Variants in SART1 observed in about 807,000 individuals in gnomAD.
SART1 encodes U4/U6.U5 tri-snRNP-associated protein 1.
Under a neutral mutation model 105.0 loss-of-function variants are expected in SART1, and 28 were observed. The ratio of observed to expected loss-of-function variants is 0.27; its 90% confidence interval spans 0.20 to 0.37. The LOEUF is 0.37. SART1 is among the 10% of genes least tolerant of loss of function. The pLI, the probability that SART1 is intolerant of heterozygous loss-of-function variation, is 1.00. For missense variants in SART1, 894 were observed against 1,106.5 expected (o/e 0.81, Z 2.72); for synonymous variants, 472 against 462.9 (o/e 1.02, Z -0.25).
At position 65,965,465 on chromosome 11, in the gene SART1, A is replaced by AT; in HGVS notation, c.660+19dup. ...AGAAGAGGGTGAGCACCTGGGCAGC[A>AT]TGGGGTGGTCGCCTAGTGCTTCTGG... is the stretch of plus-strand genomic sequence containing the variant. On this transcript the variant is annotated intron_variant, in intron 5 of 19. Coordinates refer to ENST00000312397, the MANE Select transcript of SART1 (RefSeq NM_005146.5). The AT allele has an allele frequency of 6.5e-7, 1 of 1,549,528 alleles. No homozygotes were observed.
At position 65,967,821 on chromosome 11, in the gene SART1, G is replaced by A; in HGVS notation, c.1572G>A (p.Lys524=). The change falls in exon 12 of 20, where the codon AAG becomes AAA. Residue 524 remains lysine, a splice_region_variant and synonymous_variant. Transcript: ENST00000312397. ...QLQQLRDSGE[K]VVEIVKKLES... ...AGCAGCTGCGAGACAGTGGCGAGAA[G>A]GTGAGGCTGGGCATGGGCAGGGTGA... is the stretch of plus-strand genomic sequence containing the variant. 6.5e-7 allele frequency: 1 copy of A among 1,527,846 alleles called. No homozygotes were observed. Among genetic ancestry groups the A allele is most frequent in the South Asian group, 1.2e-5 (1 of 81,862 alleles). 94.6% of individuals were successfully genotyped at this position (1,527,846 alleles called of 1,614,324 possible).
intron 1 of SART1, 131 bp downstream of exon 1, chr11:65,962,224 A>G (rs574509812): frequency 8.8e-6 from 6 of 683,918 alleles, no homozygotes; most frequent in South Asian, 2.3e-5. Context: ...AGCTCTATTA[A>G]ATAGTCTTTC....
intron 5 of SART1, 89 bp from the exon 6 acceptor site, chr11:65,965,613 C>T: frequency 7.0e-7 from 1 of 1,429,336 alleles, no homozygotes; most frequent in Middle Eastern, 2.4e-4. Context: ...AAGGCCTGCC[C>T]TTTTTGCACT....
intron 11 of SART1, 45 bp downstream of exon 11, chr11:65,967,631 C>T (rs756359333): frequency 5.0e-6 from 8 of 1,599,828 alleles, no homozygotes; most frequent in African/African-American, 2.7e-5. Flanking sequence ...ACAGGAGCCG[C>T]GGGTTGGAGG....
intron 15 of SART1, 84 bp from the exon 16 acceptor site, chr11:65,977,479 C>G: frequency 8.6e-7 from 1 of 1,159,590 alleles, no homozygotes; most frequent in South Asian, 1.2e-5. Context: ...GAGGTGCCCC[C>G]ACAGGGCCTG....
At position 65,962,002 on chromosome 11, in the gene SART1, C is replaced by T; in HGVS notation, c.222C>T (p.Ala74=). The T allele has an allele frequency of 6.6e-7, 1 of 1,518,052 alleles. No homozygotes were observed. 94.0% of individuals were successfully genotyped at this position (1,518,052 alleles called of 1,614,324 possible). A position where few individuals can be genotyped will look rare whatever the true frequency, so the allele number is the denominator to read the frequency against. ...GSGRRGAEAE[A]RSSTHGRERS... ...GGCGGCGCGGGGCCGAAGCTGAGGCCCGGAGCAGCACGCACGGGCGGGAGC... is the reference window on the plus strand; with the variant it reads ...GGCGGCGCGGGGCCGAAGCTGAGGCTCGGAGCAGCACGCACGGGCGGGAGC... The change falls in exon 1 of 20, where the codon GCC becomes GCT. Residue 74 remains alanine (A), a synonymous_variant. Coordinates refer to ENST00000312397, the MANE Select transcript of SART1 (RefSeq NM_005146.5).
At position 65,965,242 on chromosome 11, in the gene SART1, G is replaced by T. The variant is rs780442389; in HGVS notation, c.554+24G>T. 5.6e-6 allele frequency: 9 copies of T among 1,608,866 alleles called. No individual in the cohort carries two copies. In the East Asian group the frequency reaches 1.8e-4, roughly 32 times the overall value. On this transcript the variant is annotated intron_variant, in intron 4 of 19. Transcript: ENST00000312397. The stretch of plus-strand genomic sequence containing the variant: ...GGGTGAGGGGTCCTGGCCAGGGCAG[G>T]CAAGGGAAGGGCTGGGGAGGCCACC...
intron 1 of SART1, among the ~76,000 whole-genome samples, chr11:65,962,674 G>A (rs1051416383): frequency 2.0e-5 from 3 of 152,168 alleles, no homozygotes; most frequent in Non-Finnish European, 4.4e-5. Flanking sequence ...GCTCAGATCC[G>A]TATTTTGTAA....
chr11:65,980,130 T>A lies in SART1; in HGVS notation c.*1100T>A, dbSNP rs1335134109. On this transcript the variant is annotated 3_prime_UTR_variant, in exon 20 of 20. Coordinates refer to ENST00000312397, the MANE Select transcript of SART1 (RefSeq NM_005146.5). The stretch of plus-strand genomic sequence containing the variant: ...TGTCTCAAAAAAAATAAAAAAAATT[T>A]AAAATAATCTTGGGGTGAGGAAACT... Among the ~76,000 whole-genome samples, 2 of 152,074 alleles carry A rather than the reference T, an allele frequency of 1.3e-5. No individual in the cohort carries two copies.
chr11:65,978,973 C>G lies in SART1; in HGVS notation c.2385-39C>G, dbSNP rs1270725743. The G allele has an allele frequency of 1.2e-6, 2 of 1,613,830 alleles. No individual in the cohort carries two copies. Among genetic ancestry groups the G allele is most frequent in the Non-Finnish European group, 1.7e-6 (2 of 1,179,918 alleles). The stretch of plus-strand genomic sequence containing the variant: ...GTGGGGAGGGGTGGCGTGGCCTGTG[C>G]CCGCCTCTGCAGCCTCACGCCCCTG... On this transcript the variant is annotated intron_variant, in intron 19 of 19. Transcript: ENST00000312397. The surrounding 1 kb of genome is among the most constrained non-coding windows in gnomAD (Gnocchi z 6.8).
intron 12 of SART1, among the ~76,000 whole-genome samples, chr11:65,968,945 T>A (rs1326620540): frequency 6.6e-6 from 1 of 152,158 alleles, no homozygotes; most frequent in Non-Finnish European, 1.5e-5. Context: ...ATCTCCATCA[T>A]TCCAGAGGCC....
In SART1 at chr11:65,979,015, C is replaced by T. The variant is rs2134925604; in HGVS notation, c.2388C>T (p.Asn796=). ...ACGCCCCTGTTCTTCTCTGCAGGAA[C>T]ACCATCACCAAGTGACAGCGCCCTC... ...LSGSGKSMNA[N]TITK Residue 796 remains asparagine, a synonymous_variant, in exon 20 of 20, where the codon AAC becomes AAT. Coordinates refer to ENST00000312397, the MANE Select transcript of SART1 (RefSeq NM_005146.5). 1 of 1,614,158 alleles carries T rather than the reference C, an allele frequency of 6.2e-7. No individual in the cohort carries two copies. Among genetic ancestry groups the T allele is most frequent in the Non-Finnish European group, 8.5e-7 (1 of 1,180,026 alleles).
At chr11:65,973,955 G>A (rs1000397229) in intron 12 of SART1, among the ~76,000 whole-genome samples, 4 of 152,062 alleles carry the variant, frequency 2.6e-5, no homozygotes, top group African/African-American at 4.8e-5. Context: ...AAGACAAGCC[G>A]GTGAGTCATG....
intron 12 of SART1, among the ~76,000 whole-genome samples, chr11:65,974,371 C>A (rs1344530932): frequency 8.5e-3 from 550 of 64,936 alleles, no homozygotes; most frequent in African/African-American, 0.013. Flanking sequence ...GACTCTGTCT[C>A]AAAAAAAAAA....
intron 1 of SART1, among the ~76,000 whole-genome samples, chr11:65,962,795 A>G (rs941190081): frequency 6.6e-6 from 1 of 152,244 alleles, no homozygotes; most frequent in African/African-American, 2.4e-5. Flanking sequence ...AGGCAGCAGC[A>G]GTGGGATTGA....
chr11:65,966,563 C>T lies in SART1; in HGVS notation c.1188+7C>T. 6.7e-7 allele frequency: 1 copy of T among 1,500,568 alleles called. No homozygotes were observed. Among genetic ancestry groups the T allele is most frequent in the South Asian group, 1.4e-5 (1 of 73,602 alleles). 93.0% of individuals were successfully genotyped at this position (1,500,568 alleles called of 1,614,324 possible). ...CCTCACGCCTGAGGAGATGGTGAGC[C>T]CTCCCGTGCCTTATACTCGGGGTCA... On this transcript the variant is annotated splice_region_variant and intron_variant, in intron 9 of 19. Coordinates refer to ENST00000312397, the MANE Select transcript of SART1 (RefSeq NM_005146.5).
At chr11:65,975,251 C>T (rs1354320557) in intron 12 of SART1, among the ~76,000 whole-genome samples, 2 of 151,470 alleles carry the variant, frequency 1.3e-5, no homozygotes, top group South Asian at 4.2e-4. Flanking sequence ...TACAGGCATA[C>T]ACCACCATGC....
intron 12 of SART1, among the ~76,000 whole-genome samples, chr11:65,973,249 G>A (rs1855417572): frequency 6.6e-6 from 1 of 151,850 alleles, no homozygotes; most frequent in Non-Finnish European, 1.5e-5. Flanking sequence ...AATATAAAAA[G>A]GCAGACCAAA....
rs541712672 is a variant in SART1, at chr11:65,966,084, C to CAGG, written c.858_860dup (p.Glu286dup). 21 of 1,613,872 alleles carry CAGG rather than the reference C, an allele frequency of 1.3e-5. No homozygotes were observed. In the East Asian group the frequency reaches 4.0e-4, roughly 31 times the overall value. ...CTCTGTGCTGCCCCCAGGCGTGCTGCAGGAGGAGGAGGACGTGCTGGTGAA... is the reference window on the plus strand; with the variant it reads ...CTCTGTGCTGCCCCCAGGCGTGCTGCAGGAGGAGGAGGAGGACGTGCTGGTGAA... On this transcript the variant is annotated inframe_insertion, in exon 8 of 20. Transcript: ENST00000312397.
Sources: gnomAD v4.1 joint callset for allele counts (sites outside exome capture counted in the v4.1 genomes callset) on GRCh38, gnomAD v4.1.1 for gene constraint, Gnocchi (gnomAD v3.1) non-coding constraint, MANE v1.5 for transcripts, NCBI Gene and HGNC (gene_info 2026-07-23, HGNC 2026-07-21) for gene names.